The following FAF1 variants were observed in gnomAD, a reference collection of about 807,000 sequenced individuals.
FAF1 encodes the protein FAS-associated factor 1.
Under a neutral mutation model 92.5 loss-of-function variants are expected in FAF1, and 25 were observed. The ratio of observed to expected loss-of-function variants is 0.27; its 90% confidence interval spans 0.20 to 0.38. The LOEUF is 0.38. Ranked by LOEUF, FAF1 falls within the 10% of genes least tolerant of loss-of-function variation. FAF1 has a pLI of 1.00. For synonymous variants in FAF1, 234 were observed against 273.2 expected (o/e 0.86, Z 1.42); for missense variants, 636 against 793.3 (o/e 0.80, Z 2.38).
chr1:50,821,294 C>G (rs1260781025), intron 2 of FAF1, among the ~76,000 whole-genome samples: 1 of 152,132 alleles, frequency 6.6e-6, no homozygotes, highest in Non-Finnish European at 1.5e-5. Context: ...ATATCAAACT[C>G]CTGCTTCCAG....
intron 15 of FAF1, among the ~76,000 whole-genome samples, chr1:50,504,139 T>C (rs1647025682): frequency 6.6e-6 from 1 of 152,164 alleles, no homozygotes; most frequent in South Asian, 2.1e-4. Flanking sequence ...AAGGGAGAAT[T>C]AATGAAATGT....
intron 4 of FAF1, among the ~76,000 whole-genome samples, chr1:50,746,263 T>C (rs1659587322): frequency 4.7e-5 from 1 of 21,058 alleles, no homozygotes; most frequent in Non-Finnish European, 7.8e-5. Flanking sequence ...TATATATATA[T>C]ATATATATAT....
intron 1 of FAF1, among the ~76,000 whole-genome samples, chr1:50,891,794 A>C (rs984863874): frequency 6.6e-6 from 1 of 152,182 alleles, no homozygotes. Flanking sequence ...CAGTTAGGCT[A>C]CTCAGGGGTG....
intron 9 of FAF1, among the ~76,000 whole-genome samples, chr1:50,592,049 G>A (rs1406214037): frequency 6.6e-6 from 1 of 151,984 alleles, no homozygotes; most frequent in Non-Finnish European, 1.5e-5. Context: ...GCTACAGAGG[G>A]GAGAAAGACA....
At chr1:50,784,314 GAACT>G (rs1294724568) in intron 4 of FAF1, among the ~76,000 whole-genome samples, 1 of 151,726 alleles carries the variant, frequency 6.6e-6, no homozygotes, top group Admixed American at 6.6e-5. Context: ...AAAAAACTTA[GAACT>G]AATAAATAAT....
At chr1:50,589,278 G>A (rs11205736) in intron 9 of FAF1, among the ~76,000 whole-genome samples, 21,127 of 152,028 alleles carry the variant, frequency 0.14, 2,548 homozygotes, top group African/African-American at 0.33. Flanking sequence ...GAACCCACAG[G>A]GGCAGCAGCT....
chr1:50,865,296 T>C (rs1457313561), intron 1 of FAF1, among the ~76,000 whole-genome samples: 2 of 152,004 alleles, frequency 1.3e-5, no homozygotes, highest in South Asian at 2.1e-4. Context: ...CTCAGGGATC[T>C]AGAACTAGAA....
chr1:50,661,533 C>A (rs1184256918), intron 7 of FAF1, among the ~76,000 whole-genome samples: 1 of 152,286 alleles, frequency 6.6e-6, no homozygotes, highest in South Asian at 2.1e-4. Context: ...CCATCTCATT[C>A]TTTTATCATT....
chr1:50,956,016 A>G (rs1197746176), intron 1 of FAF1, among the ~76,000 whole-genome samples: 1 of 152,206 alleles, frequency 6.6e-6, no homozygotes, highest in African/African-American at 2.4e-5. Context: ...TTATTGTTAA[A>G]TAAGTACGGT....
chr1:50,905,903 T>G (rs1284505180), intron 1 of FAF1, among the ~76,000 whole-genome samples: 1 of 152,256 alleles, frequency 6.6e-6, no homozygotes, highest in South Asian at 2.1e-4. Context: ...TTTGTCAATT[T>G]TGGCTTTGGT....
intron 13 of FAF1, among the ~76,000 whole-genome samples, chr1:50,540,204 C>T (rs1235155825): frequency 2.6e-5 from 4 of 152,008 alleles, no homozygotes; most frequent in Non-Finnish European, 4.4e-5. Context: ...GAACTCCTGA[C>T]CTTGTGATCC....
chr1:50,798,041 A>T, intron 3 of FAF1, among the ~76,000 whole-genome samples: 1 of 151,822 alleles, frequency 6.6e-6, no homozygotes, highest in East Asian at 1.9e-4. Flanking sequence ...TTTAAAGTCC[A>T]TGCCATGGCA....
chr1:50,585,879 A>AT (rs1032416825), intron 9 of FAF1, among the ~76,000 whole-genome samples: 5 of 115,560 alleles, frequency 4.3e-5, no homozygotes, highest in Non-Finnish European at 7.3e-5. Context: ...TCATCTCTAC[A>AT]TAAAAAAAAA....
intron 1 of FAF1, among the ~76,000 whole-genome samples, chr1:50,914,026 G>C (rs1306983649): frequency 6.6e-6 from 1 of 152,088 alleles, no homozygotes; most frequent in Non-Finnish European, 1.5e-5. Flanking sequence ...CCACACAACA[G>C]ATCAATCTCC....
rs1024160098 is a variant in FAF1, at chr1:50,440,719, A to G, written c.*721T>C. 1 of 152,274 alleles carries G rather than the reference A, an allele frequency of 6.6e-6. No homozygotes were observed. The highest frequency in any genetic ancestry group is 2.4e-5 in the African/African-American group (1 of 41,478). 9.4% of individuals were successfully genotyped at this position (152,274 alleles called of 1,614,324 possible). On this transcript the variant is annotated 3_prime_UTR_variant, in exon 19 of 19. Transcript: ENST00000396153. Reference sequence around the variant, plus strand: ...TTGGGCCAGATACTGAAGTTTTGGTACTGGCCTCTCTGCACATGATCTCAA... The same window carrying G: ...TTGGGCCAGATACTGAAGTTTTGGTGCTGGCCTCTCTGCACATGATCTCAA...
intron 3 of FAF1, among the ~76,000 whole-genome samples, chr1:50,801,367 C>T (rs934306460): frequency 5.6e-4 from 85 of 152,252 alleles, no homozygotes; most frequent in African/African-American, 2.0e-3. Context: ...TCTTATAAAT[C>T]AAAGGATAAG....
chr1:50,846,272 C>T (rs1644298318), intron 2 of FAF1, among the ~76,000 whole-genome samples: 1 of 151,450 alleles, frequency 6.6e-6, no homozygotes, highest in African/African-American at 2.4e-5. Flanking sequence ...AGAAAAAGTA[C>T]ATTTGCAAGT....
At chr1:50,919,029 T>A (rs1202029862) in intron 1 of FAF1, among the ~76,000 whole-genome samples, 1 of 152,188 alleles carries the variant, frequency 6.6e-6, no homozygotes, top group Non-Finnish European at 1.5e-5. Context: ...ATAAATGAAC[T>A]TTTACTCATC....
At chr1:50,578,266 T>G (rs1650844255) in intron 12 of FAF1, among the ~76,000 whole-genome samples, 1 of 152,112 alleles carries the variant, frequency 6.6e-6, no homozygotes, top group African/African-American at 2.4e-5. Flanking sequence ...GTACCTCCCC[T>G]CCCACAGTTT....
Sources: allele counts gnomAD v4.1 joint callset (sites outside exome capture counted in the v4.1 genomes callset), GRCh38; gene constraint gnomAD v4.1.1; transcripts MANE v1.5; gene names NCBI Gene and HGNC (gene_info 2026-07-23, HGNC 2026-07-21).